The following CAPS2 variants were observed in gnomAD, a reference collection of about 807,000 sequenced individuals.
CAPS2 encodes the protein calcyphosin-2.
In CAPS2, 98 loss-of-function variants were observed where a neutral mutation model predicts 86.5. That is an observed-to-expected ratio of 1.13 (90% CI 0.96 to 1.34). The LOEUF (loss-of-function observed/expected upper bound fraction) is 1.34, where lower values mean the gene tolerates loss of function less well. Among genes scored for constraint, CAPS2 ranks in the 40% most tolerant of loss-of-function variants. CAPS2 has a pLI of 0.00. For synonymous variants in CAPS2, 210 were observed against 225.1 expected (o/e 0.93, Z 0.60); for missense variants, 729 against 686.8 (o/e 1.06, Z -0.69).
intron 8 of CAPS2, among the ~76,000 whole-genome samples, chr12:75,303,131 T>C (rs534698706): frequency 5.3e-5 from 8 of 152,284 alleles, no homozygotes; most frequent in East Asian, 1.9e-4. Flanking sequence ...TCTGAATAGA[T>C]AGGTTGTGGC....
chr12:75,369,807 C>T (rs973087195), intron 1 of CAPS2: 15 of 980,862 alleles, frequency 1.5e-5, no homozygotes, highest in Admixed American at 1.2e-4. Context: ...GTTTTAAGTA[C>T]TGTAGGATTG....
intron 11 of CAPS2, among the ~76,000 whole-genome samples, chr12:75,294,309 C>T (rs891129741): frequency 6.6e-6 from 1 of 152,138 alleles, no homozygotes; most frequent in African/African-American, 2.4e-5. Context: ...GATGTCCCTC[C>T]CCTCCATTTT....
At chr12:75,367,864 C>A (rs2044090043) in intron 1 of CAPS2, among the ~76,000 whole-genome samples, 1 of 151,996 alleles carries the variant, frequency 6.6e-6, no homozygotes, top group African/African-American at 2.4e-5. Context: ...AATAGACACA[C>A]CCTTCTATTA....
chr12:75,329,955 G>A, upstream of CAPS2: 3 of 1,132,944 alleles, frequency 2.6e-6, no homozygotes, highest in Non-Finnish European at 3.8e-6. Flanking sequence ...AAGAGGTCCA[G>A]AGTTAGAAGA....
At chr12:75,319,083 CAT>C (rs1400086839) in intron 5 of CAPS2, among the ~76,000 whole-genome samples, 1 of 152,032 alleles carries the variant, frequency 6.6e-6, no homozygotes, top group Non-Finnish European at 1.5e-5. Flanking sequence ...CAAGATGTCT[CAT>C]TATTTTAAAA....
chr12:75,313,515 T>G (rs1334493567), intron 6 of CAPS2, among the ~76,000 whole-genome samples: 1 of 152,240 alleles, frequency 6.6e-6, no homozygotes, highest in Non-Finnish European at 1.5e-5. Flanking sequence ...TTAATACTAT[T>G]TTTCACTTTT....
At chr12:75,330,435 G>C (rs1407932834), upstream of CAPS2, among the ~76,000 whole-genome samples, 1 of 152,216 alleles carries the variant, frequency 6.6e-6, no homozygotes, top group African/African-American at 2.4e-5. Context: ...CGGTTGTTGT[G>C]TAATTCTTTG....
At chr12:75,347,967 A>T (rs2042565192) in intron 1 of CAPS2, among the ~76,000 whole-genome samples, 1 of 152,096 alleles carries the variant, frequency 6.6e-6, no homozygotes, top group African/African-American at 2.4e-5. Flanking sequence ...TGATAGGTTT[A>T]AAAAAAGAGA....
chr12:75,297,620 C>G (rs1367588838), intron 11 of CAPS2, among the ~76,000 whole-genome samples: 1 of 152,106 alleles, frequency 6.6e-6, no homozygotes, highest in Admixed American at 6.5e-5. Context: ...TTCCCCCATT[C>G]CATCCACATC....
At chr12:75,302,564 C>T (rs1465674993) in intron 8 of CAPS2, among the ~76,000 whole-genome samples, 1 of 152,092 alleles carries the variant, frequency 6.6e-6, no homozygotes, top group African/African-American at 2.4e-5. Flanking sequence ...ACTCCTACTT[C>T]TAATTTTAGT....
At chr12:75,328,162 G>T (rs1186408113), upstream of CAPS2, among the ~76,000 whole-genome samples, 2 of 152,070 alleles carry the variant, frequency 1.3e-5, no homozygotes, top group African/African-American at 4.8e-5. Flanking sequence ...AGTTGCTGTT[G>T]TTTTGTTTTG....
intron 1 of CAPS2, among the ~76,000 whole-genome samples, chr12:75,377,768 A>C (rs926441536): frequency 6.6e-6 from 1 of 151,918 alleles, no homozygotes; most frequent in Non-Finnish European, 1.5e-5. Context: ...CAACACTCTC[A>C]CAAACACACC....
intron 1 of CAPS2, among the ~76,000 whole-genome samples, chr12:75,350,967 C>T (rs1202513860): frequency 6.6e-6 from 1 of 152,166 alleles, no homozygotes; most frequent in East Asian, 1.9e-4. Context: ...ATTACAGGAG[C>T]TGTTAACCAG....
At chr12:75,328,552 G>A (rs925094672), upstream of CAPS2, among the ~76,000 whole-genome samples, 2 of 151,970 alleles carry the variant, frequency 1.3e-5, no homozygotes, top group African/African-American at 4.8e-5. Context: ...ACAAAGCATG[G>A]GTAGTAAATA....
At chr12:75,285,700 T>C (rs529045829) in intron 14 of CAPS2, among the ~76,000 whole-genome samples, 122 of 152,082 alleles carry the variant, frequency 8.0e-4, no homozygotes, top group Middle Eastern at 3.4e-3. Context: ...TATAGATATA[T>C]AGATATGTGT....
intron 1 of CAPS2, among the ~76,000 whole-genome samples, chr12:75,344,424 A>G (rs1022844019): frequency 6.6e-6 from 1 of 152,012 alleles, no homozygotes; most frequent in Admixed American, 6.6e-5. Context: ...AATCCCATTC[A>G]GTTTGTTTTC....
chr12:75,276,084 G>T, downstream of CAPS2: 1 of 943,524 alleles, frequency 1.1e-6, no homozygotes, highest in Non-Finnish European at 1.5e-6. Flanking sequence ...TATGACAAGA[G>T]CCTCTTCTCA....
chr12:75,321,503 G>C (rs2040293578), exon 5 of CAPS2: 1 of 1,547,438 alleles, frequency 6.5e-7, no homozygotes, highest in Admixed American at 2.0e-5. Context: ...TTTAATTTCA[G>C]TTTTACATTG....
intron 1 of CAPS2, chr12:75,347,511 T>A (rs1167667487): frequency 1.8e-6 from 1 of 553,146 alleles, no homozygotes; most frequent in Non-Finnish European, 3.2e-6. Flanking sequence ...CTAATAAATA[T>A]TTATGTACAT....
Sources: gnomAD v4.1 joint callset for allele counts (sites outside exome capture counted in the v4.1 genomes callset) on GRCh38, gnomAD v4.1.1 for gene constraint, MANE v1.5 for transcripts, NCBI Gene and HGNC (gene_info 2026-07-23, HGNC 2026-07-21) for gene names.